The following TNRC6C variants were observed in gnomAD, a reference collection of about 807,000 sequenced individuals.
TNRC6C encodes the protein trinucleotide repeat-containing gene 6C protein.
In TNRC6C, 20 loss-of-function variants were observed where a neutral mutation model predicts 153.7. The ratio of observed to expected loss-of-function variants is 0.13; its 90% CI spans 0.09 to 0.19. The LOEUF is 0.19. Among genes scored for constraint, TNRC6C ranks in the 10% least tolerant of loss-of-function variants. TNRC6C has a pLI of 1.00. For synonymous variants in TNRC6C, 811 were observed against 841.4 expected (o/e 0.96, Z 0.63); for missense variants, 1,987 against 2,172.0 (o/e 0.91, Z 1.69).
At chr17:78,048,697 T>C (rs1465806566) in intron 2 of TNRC6C, 148 bp from the exon 5 acceptor site, 2 of 741,072 alleles carry the variant, frequency 2.7e-6, no homozygotes, top group African/African-American at 1.8e-5. Context: ...AGAAGACAAA[T>C]AGCTTTTTTC....
chr17:77,962,322 T>C (rs1175647560), intron 1 of TNRC6C, among the ~76,000 whole-genome samples: 1 of 152,234 alleles, frequency 6.6e-6, no homozygotes, highest in Admixed American at 6.5e-5. Context: ...GATTGCATGC[T>C]TATGCTTTGG....
intron 1 of TNRC6C, among the ~76,000 whole-genome samples, chr17:78,019,871 G>C (rs1380429637): frequency 6.6e-6 from 1 of 152,182 alleles, no homozygotes; most frequent in East Asian, 1.9e-4. Context: ...GGAATGTCAA[G>C]ATTGCTTTGA....
chr17:77,972,040 C>T (rs2144066003), intron 1 of TNRC6C, among the ~76,000 whole-genome samples: 2 of 151,338 alleles, frequency 1.3e-5, no homozygotes, highest in South Asian at 4.2e-4. Flanking sequence ...AAACCGATGG[C>T]AAACAAACAA....
Position 78,097,787 on chromosome 17 carries a change from C to T in TNRC6C, c.4307-556C>T, listed in dbSNP as rs1295051203. ...TCTCAGAATGCCACGCTGCCTTCTT[C>T]GAGTGCCTGGCCACTCAGTGCCTCC... is the stretch of plus-strand genomic sequence containing the variant. On this transcript the variant is annotated intron_variant, in intron 16 of 19. Transcript: ENST00000301624. The T allele has an allele frequency of 3.2e-6, 5 of 1,551,178 alleles. No homozygotes were observed. The highest frequency in any genetic ancestry group is 4.4e-6 in the Non-Finnish European group (5 of 1,146,860).
intron 1 of TNRC6C, among the ~76,000 whole-genome samples, chr17:77,995,302 G>C (rs1211985594): frequency 6.6e-6 from 1 of 152,212 alleles, no homozygotes; most frequent in Non-Finnish European, 1.5e-5. Context: ...TGCAGGGGTG[G>C]CGACATGGCT....
intron 13 of TNRC6C, among the ~76,000 whole-genome samples, chr17:78,090,888 T>C (rs2073381739): frequency 1.3e-5 from 2 of 152,244 alleles, no homozygotes; most frequent in Non-Finnish European, 2.9e-5. Flanking sequence ...TATCAGTCTG[T>C]TTCATAGGTG....
intron 2 of TNRC6C, among the ~76,000 whole-genome samples, chr17:78,032,607 C>T (rs1036017984): frequency 1.3e-5 from 2 of 152,192 alleles, no homozygotes; most frequent in African/African-American, 4.8e-5. Flanking sequence ...ATAATTGGTG[C>T]TGTTTCTGGA....
chr17:78,002,563 A>G (rs2071429092), upstream of TNRC6C, among the ~76,000 whole-genome samples: 1 of 152,180 alleles, frequency 6.6e-6, no homozygotes. Context: ...ATGTATTCTT[A>G]TCTTGCTTCC....
At chr17:77,974,615 C>T (rs1368080373) in intron 1 of TNRC6C, among the ~76,000 whole-genome samples, 1 of 152,212 alleles carries the variant, frequency 6.6e-6, no homozygotes, top group Non-Finnish European at 1.5e-5. Flanking sequence ...GCACGTGCCA[C>T]TGCACCCTAC....
chr17:77,968,053 A>G, intron 1 of TNRC6C, among the ~76,000 whole-genome samples: 1 of 152,164 alleles, frequency 6.6e-6, no homozygotes, highest in East Asian at 1.9e-4. Context: ...TCTTATTTTG[A>G]GACAGAGCCT....
At chr17:78,108,331 G>T (rs2073745203) in exon 20 of TNRC6C, 1 of 154,678 alleles carries the variant, frequency 6.5e-6, no homozygotes, top group South Asian at 2.0e-4. Context: ...AAAGCATTGA[G>T]TGGGACCTAA....
intron 10 of TNRC6C, among the ~76,000 whole-genome samples, chr17:78,080,426 A>G (rs958506418): frequency 1.6e-4 from 24 of 152,252 alleles, no homozygotes; most frequent in African/African-American, 5.8e-4. Flanking sequence ...AGCCTGGGCA[A>G]CAAGAGCGGA....
intron 16 of TNRC6C, among the ~76,000 whole-genome samples, chr17:78,094,558 C>T (rs2073450615): frequency 6.6e-6 from 1 of 151,918 alleles, no homozygotes; most frequent in African/African-American, 2.4e-5. Context: ...CATGCCTCAG[C>T]CTCCCGATTA....
chr17:78,102,053 CT>C (rs1182669998), intron 17 of TNRC6C, among the ~76,000 whole-genome samples: 1 of 152,240 alleles, frequency 6.6e-6, no homozygotes, highest in Non-Finnish European at 1.5e-5. Context: ...GTAATGGTTT[CT>C]GCCTTTTAGC....
Position 78,098,283 on chromosome 17 carries a change from A to G in TNRC6C, c.4307-60A>G. 2.0e-6 allele frequency: 3 copies of G among 1,478,116 alleles called. No individual in the cohort carries two copies. In the Middle Eastern group the frequency reaches 5.3e-4, roughly 261 times the overall value. The allele number at this position is 1,478,116 out of a possible 1,614,324, so 91.6% of individuals were successfully genotyped here. On this transcript the variant is annotated intron_variant, in intron 16 of 19. Coordinates refer to ENST00000301624, the Ensembl canonical transcript of TNRC6C. ...GCACTCTGTGTGGCTCCCCAAACAC[A>G]GCAGTGAGTTTTCTTCTTTGTCTCA...
chr17:78,067,187 A>G (rs1315046888), intron 4 of TNRC6C: 1 of 150,626 alleles, frequency 6.6e-6, no homozygotes, highest in Admixed American at 6.6e-5. Context: ...TATTAAAAAG[A>G]AAAAAAAAAT....
chr17:78,061,260 T>C (rs1472524785), intron 3 of TNRC6C, among the ~76,000 whole-genome samples: 1 of 152,186 alleles, frequency 6.6e-6, no homozygotes, highest in Non-Finnish European at 1.5e-5. Flanking sequence ...ATTCTAACTT[T>C]AAAAGAATCC....
intron 1 of TNRC6C, among the ~76,000 whole-genome samples, chr17:78,007,582 C>T (rs1022502684): frequency 6.6e-6 from 1 of 152,204 alleles, no homozygotes; most frequent in African/African-American, 2.4e-5. Context: ...TTTGACTTCC[C>T]TCCCCTGCTC....
At chr17:78,100,086 C>A (rs980543450) in intron 17 of TNRC6C, among the ~76,000 whole-genome samples, 1 of 152,218 alleles carries the variant, frequency 6.6e-6, no homozygotes, top group African/African-American at 2.4e-5. Context: ...TGGTCTTGGG[C>A]AGCTCTGCAG....
Sources: allele counts gnomAD v4.1 joint callset (sites outside exome capture counted in the v4.1 genomes callset), GRCh38; gene constraint gnomAD v4.1.1; transcripts MANE v1.5; gene names NCBI Gene and HGNC (gene_info 2026-07-23, HGNC 2026-07-21).